LARGE1: variants seen among roughly 807,000 people sequenced by gnomAD.
The protein encoded by LARGE1 is LARGE xylosyl- and glucuronyltransferase 1.
Under a neutral mutation model 87.6 loss-of-function variants are expected in LARGE1, and 43 were observed. That is an observed-to-expected ratio of 0.49 (90% CI 0.38 to 0.63). The LOEUF (loss-of-function observed/expected upper bound fraction) is 0.63, where lower values mean the gene tolerates loss of function less well. Among genes scored for constraint, LARGE1 ranks in the 30% least tolerant of loss-of-function variants. LARGE1 has a pLI of 0.00. For synonymous variants in LARGE1, 434 were observed against 394.6 expected (o/e 1.10, Z -1.18); for missense variants, 802 against 1,000.2 (o/e 0.80, Z 2.67).
At chr22:33,839,131 C>T (rs2063195374) in intron 1 of LARGE1, among the ~76,000 whole-genome samples, 1 of 152,218 alleles carries the variant, frequency 6.6e-6, no homozygotes, top group Non-Finnish European at 1.5e-5. Context: ...GCTCATGGTT[C>T]TGCAGGCTTG....
At chr22:33,300,587 C>A (rs1161814461) in intron 12 of LARGE1, among the ~76,000 whole-genome samples, 1 of 152,042 alleles carries the variant, frequency 6.6e-6, no homozygotes, top group East Asian at 1.9e-4. Flanking sequence ...TGTTGCCAGG[C>A]TGGAGTGCAG....
chr22:33,096,939 G>A, the LARGE1 span, among the ~76,000 whole-genome samples: 1 of 152,344 alleles, frequency 6.6e-6, no homozygotes, highest in East Asian at 1.9e-4. Context: ...GTTCTTTACT[G>A]CAGAGGATTG....
intron 1 of LARGE1, among the ~76,000 whole-genome samples, chr22:33,765,879 T>C (rs1286936389): frequency 6.6e-6 from 1 of 152,182 alleles, no homozygotes; most frequent in African/African-American, 2.4e-5. Flanking sequence ...CAGAAGTTAA[T>C]ATCAACACAT....
At chr22:33,517,163 C>G (rs926471800) in intron 6 of LARGE1, among the ~76,000 whole-genome samples, 1 of 152,220 alleles carries the variant, frequency 6.6e-6, no homozygotes, top group East Asian at 1.9e-4. Flanking sequence ...ACTGATGATT[C>G]CAGAGCTATA....
chr22:33,082,972 C>A, the LARGE1 span, among the ~76,000 whole-genome samples: 1 of 152,160 alleles, frequency 6.6e-6, no homozygotes, highest in East Asian at 1.9e-4. Context: ...TTGCAGTGAG[C>A]TGAGATCATG....
rs144669068 is a variant in LARGE1, at chr22:33,810,093, G to C, written c.-82-48535C>G. Among the ~76,000 whole-genome samples, 81 of 152,292 alleles carry C rather than the reference G, an allele frequency of 5.3e-4. No individual in the cohort carries two copies. The East Asian group carries it at 0.014, about 27-fold the overall frequency. On this transcript the variant is annotated intron_variant, in intron 1 of 14. Transcript: ENST00000397394. ...GATCTCTCACTCTGAACAAGACACA[G>C]CATGGGGGATGGGAAGAGAACTAAC...
intron 2 of LARGE1, among the ~76,000 whole-genome samples, chr22:33,717,297 G>A (rs1426906628): frequency 6.6e-6 from 1 of 152,102 alleles, no homozygotes; most frequent in African/African-American, 2.4e-5. Context: ...TAGAACTATT[G>A]GGAGGCATAC....
chr22:33,425,892 A>G (rs530045506), intron 7 of LARGE1, among the ~76,000 whole-genome samples: 1 of 152,240 alleles, frequency 6.6e-6, no homozygotes, highest in Non-Finnish European at 1.5e-5. Flanking sequence ...ACGTGCCACC[A>G]TGACCGGCTA....
intron 2 of LARGE1, among the ~76,000 whole-genome samples, chr22:33,760,268 A>T (rs2084673457): frequency 2.0e-5 from 3 of 152,202 alleles, no homozygotes; most frequent in African/African-American, 7.2e-5. Context: ...CCATCTTCAC[A>T]GGCAAAACAT....
chr22:33,283,758 C>CAA (rs1930941793), intron 12 of LARGE1, among the ~76,000 whole-genome samples: 1 of 136,126 alleles, frequency 7.3e-6, no homozygotes, highest in African/African-American at 2.8e-5. Context: ...GCCTGGGTGA[C>CAA]AGAGATAGAT....
At chr22:33,389,264 C>G (rs960785443) in intron 7 of LARGE1, among the ~76,000 whole-genome samples, 2 of 152,218 alleles carry the variant, frequency 1.3e-5, no homozygotes, top group Non-Finnish European at 2.9e-5. Context: ...GGAAGAGCCT[C>G]GTATCTATGC....
intron 1 of LARGE1, among the ~76,000 whole-genome samples, chr22:33,824,823 G>A (rs757124198): frequency 1.4e-4 from 21 of 152,272 alleles, no homozygotes; most frequent in African/African-American, 4.1e-4. Context: ...ACTGGTACAC[G>A]ATATGGCTTC....
At chr22:33,113,607 T>G in the LARGE1 span, among the ~76,000 whole-genome samples, 34 of 152,352 alleles carry the variant, frequency 2.2e-4, 1 homozygote, top group Admixed American at 2.0e-3. Flanking sequence ...TGCCCAGAGT[T>G]GCACAGCTTG....
chr22:33,225,585 A>C (rs2014535), intron 11 of LARGE1, among the ~76,000 whole-genome samples: 6,351 of 151,378 alleles, frequency 0.042, 193 homozygotes, highest in Admixed American at 0.088. Context: ...CTTTTATCTT[A>C]GGTTCAGGGG....
At chr22:33,305,576 A>T (rs774819297) in intron 11 of LARGE1, 36 of 985,150 alleles carry the variant, frequency 3.7e-5, no homozygotes, top group Non-Finnish European at 4.3e-5. Context: ...CAGAATGCCC[A>T]CTTTATTCGG....
At chr22:33,078,528 T>A in the LARGE1 span, among the ~76,000 whole-genome samples, 1 of 152,196 alleles carries the variant, frequency 6.6e-6, no homozygotes, top group Admixed American at 6.5e-5. Flanking sequence ...TAAGTTAACA[T>A]GTCCATGGTC....
intron 9 of LARGE1, among the ~76,000 whole-genome samples, chr22:33,349,768 G>T (rs1940181097): frequency 6.6e-6 from 1 of 152,148 alleles, no homozygotes; most frequent in African/African-American, 2.4e-5. Context: ...CCACAGTGCA[G>T]TCTAGGGTCC....
intron 5 of LARGE1, among the ~76,000 whole-genome samples, chr22:33,590,845 C>A (rs1225893122): frequency 5.9e-5 from 9 of 152,180 alleles, no homozygotes; most frequent in African/African-American, 2.2e-4. Flanking sequence ...GGTTTTATTT[C>A]TCTTGGTTGA....
chr22:33,225,363 A>G (rs1440932629), intron 11 of LARGE1, among the ~76,000 whole-genome samples: 1 of 152,218 alleles, frequency 6.6e-6, no homozygotes, highest in Non-Finnish European at 1.5e-5. Flanking sequence ...GAGATCAATG[A>G]TTGAGCATTT....
Sources: gnomAD v4.1 joint callset for allele counts (sites outside exome capture counted in the v4.1 genomes callset) on GRCh38, gnomAD v4.1.1 for gene constraint, MANE v1.5 for transcripts, NCBI Gene and HGNC (gene_info 2026-07-23, HGNC 2026-07-21) for gene names.